Variants in DAGLA observed in about 807,000 individuals in gnomAD.
DAGLA encodes diacylglycerol lipase alpha.
In DAGLA, 22 loss-of-function variants were observed where a neutral mutation model predicts 102.6. The observed-to-expected ratio is 0.21, with a 90% CI of 0.15 to 0.31. The LOEUF is 0.31. Among genes scored for constraint, DAGLA ranks in the 10% least tolerant of loss-of-function variants. The probability of loss-of-function intolerance (pLI) is 1.00; values close to 1 mark genes in which losing one functional copy is unlikely to be tolerated. For missense variants in DAGLA, 927 were observed against 1,446.6 expected (o/e 0.64, Z 5.83); for synonymous variants, 578 against 628.9 (o/e 0.92, Z 1.21).
chr11:61,706,096 TAACAGG>T (rs1256862221), intron 1 of DAGLA, among the ~76,000 whole-genome samples: 5 of 152,124 alleles, frequency 3.3e-5, no homozygotes, highest in Non-Finnish European at 7.3e-5. Context: ...CAGAACAGTC[TAACAGG>T]GCCCCTTTCG....
intron 19 of DAGLA, among the ~76,000 whole-genome samples, chr11:61,742,024 A>G (rs985347490): frequency 6.6e-6 from 1 of 152,264 alleles, no homozygotes; most frequent in Non-Finnish European, 1.5e-5. Flanking sequence ...AGTTATAAGT[A>G]CACAGGTCAC....
chr11:61,734,345 G>T lies in DAGLA; in HGVS notation c.975-504G>T, dbSNP rs1011053865. ...TTGGGAAGACCTCAGGAGGGTTGGG[G>T]TACACAAGCAGGGAAGGGGTTTGAG... On this transcript the variant is annotated intron_variant, in intron 9 of 19. Transcript: ENST00000257215. This position sits in a 1 kb window ranked among gnomAD's most constrained non-coding sequence, Gnocchi z 4.2. Among the ~76,000 whole-genome samples, 3 of 152,036 alleles carry T rather than the reference G, an allele frequency of 2.0e-5. No homozygotes were observed. Among genetic ancestry groups the T allele is most frequent in the Non-Finnish European group, 4.4e-5 (3 of 68,012 alleles).
chr11:61,688,231 C>T (rs1296269637), intron 1 of DAGLA, among the ~76,000 whole-genome samples: 3 of 148,780 alleles, frequency 2.0e-5, no homozygotes, highest in Non-Finnish European at 3.0e-5. Context: ...AGGAGAATGG[C>T]GTGAATCCGG....
rs374336921 is a variant in DAGLA, at chr11:61,743,362, C to CAA, written c.2172-152_2172-151dup. On this transcript the variant is annotated intron_variant, in intron 19 of 19. Transcript: ENST00000257215. The stretch of plus-strand genomic sequence containing the variant: ...TGGGCGACAGAGCGAGACTCTGTCT[C>CAA]AAAAAAAAAAAAAAAAAAAGAAAAT... 2.5e-4 allele frequency among the ~76,000 whole-genome samples: 13 copies of CAA among 51,880 alleles called. 1 individual carries two copies. Among genetic ancestry groups the CAA allele is most frequent in the Non-Finnish European group, 3.8e-4 (9 of 23,706 alleles). The allele number at this position is 51,880 out of a possible 152,430, so 34.0% of individuals were successfully genotyped here. A position where few individuals can be genotyped will look rare whatever the true frequency, so the allele number is the denominator to read the frequency against.
At chr11:61,691,777 A>C (rs2065026590) in intron 1 of DAGLA, among the ~76,000 whole-genome samples, 1 of 152,216 alleles carries the variant, frequency 6.6e-6, no homozygotes, top group Non-Finnish European at 1.5e-5. Flanking sequence ...CTCAGGCCAG[A>C]CGGTCTGGCT....
At chr11:61,685,996 T>C (rs2064983357) in intron 1 of DAGLA, among the ~76,000 whole-genome samples, 2 of 152,116 alleles carry the variant, frequency 1.3e-5, no homozygotes, top group South Asian at 4.1e-4. Context: ...GCATGGGCAT[T>C]CACTGAAGTG....
At chr11:61,732,769 G>A (rs2065386690) in intron 9 of DAGLA, among the ~76,000 whole-genome samples, 1 of 152,168 alleles carries the variant, frequency 6.6e-6, no homozygotes, top group African/African-American at 2.4e-5. Flanking sequence ...GTTGGGAGGA[G>A]GCCAGAGTCC....
intron 5 of DAGLA, among the ~76,000 whole-genome samples, chr11:61,724,577 C>T (rs2065309107): frequency 6.6e-6 from 1 of 152,216 alleles, no homozygotes; most frequent in Non-Finnish European, 1.5e-5. Flanking sequence ...CAGGAATTCT[C>T]ACCGTCCCAC....
intron 1 of DAGLA, 126 bp from the exon 2 acceptor site, chr11:61,719,986 T>A: frequency 6.3e-6 from 4 of 634,540 alleles, no homozygotes; most frequent in South Asian, 5.9e-5. Flanking sequence ...GCACTTCCAG[T>A]GGCCAGCTCC....
intron 1 of DAGLA, among the ~76,000 whole-genome samples, chr11:61,703,220 A>G (rs2065122390): frequency 6.6e-6 from 1 of 152,210 alleles, no homozygotes; most frequent in Admixed American, 6.5e-5. Flanking sequence ...AAGGAAGAAA[A>G]CAGGCGAGAC....
intron 1 of DAGLA, among the ~76,000 whole-genome samples, chr11:61,711,732 C>T (rs1410424038): frequency 6.6e-6 from 1 of 152,204 alleles, no homozygotes; most frequent in African/African-American, 2.4e-5. Flanking sequence ...AAATAATTAG[C>T]GTGAGAACGA....
intron 1 of DAGLA, among the ~76,000 whole-genome samples, chr11:61,707,415 G>A (rs2065158731): frequency 6.6e-6 from 1 of 152,364 alleles, no homozygotes; most frequent in South Asian, 2.1e-4. Flanking sequence ...GCCTGATGGG[G>A]TTCCCCTCAT....
At chr11:61,726,322 A>G (rs1048561038) in intron 6 of DAGLA, among the ~76,000 whole-genome samples, 1 of 138,968 alleles carries the variant, frequency 7.2e-6, no homozygotes. Context: ...AGACTGCATC[A>G]ACTCCCTTGG....
Position 61,735,742 on chromosome 11 carries a change from G to T in DAGLA, c.1216G>T (p.Ala406Ser), listed in dbSNP as rs773487058. ...ACCTGTCTCCTCTCTCCCCAAGGAT[G>T]CCCTGACTGACCTGACGGGTGATGC... The part of the protein sequence containing the change: ...SIRGTLSPKD[A>S]LTDLTGDAER... The change falls in exon 12 of 20, where the codon GCC becomes TCC. Residue 406 changes from alanine (A) to serine (S), a missense_variant. Around this residue, in one of 4 missense-constraint regions of DAGLA, gnomAD observed 218 missense variants for 459.6 expected, o/e 0.47. Transcript: ENST00000257215. 6.2e-7 allele frequency: 1 copy of T among 1,613,460 alleles called. No homozygotes were observed. Among genetic ancestry groups the T allele is most frequent in the Non-Finnish European group, 8.5e-7 (1 of 1,179,742 alleles).
chr11:61,721,252 G>T (rs2135582273), intron 3 of DAGLA, among the ~76,000 whole-genome samples: 1 of 152,234 alleles, frequency 6.6e-6, no homozygotes, highest in South Asian at 2.1e-4. Context: ...AAATTAGCCA[G>T]GTGTGGTGGC....
chr11:61,720,319 C>A, intron 2 of DAGLA, 69 bp downstream of exon 2: 1 of 1,496,716 alleles, frequency 6.7e-7, no homozygotes, highest in Non-Finnish European at 9.2e-7. Flanking sequence ...GCTTTCTGGC[C>A]ATTTGTTCCT....
intron 1 of DAGLA, among the ~76,000 whole-genome samples, chr11:61,692,508 A>G (rs922524800): frequency 2.6e-5 from 4 of 152,152 alleles, no homozygotes; most frequent in Admixed American, 2.6e-4. Flanking sequence ...GGGAGTCTGC[A>G]TAAGTTTGAG....
chr11:61,682,874 G>A (rs2064955413), intron 1 of DAGLA, among the ~76,000 whole-genome samples: 1 of 151,460 alleles, frequency 6.6e-6, no homozygotes, highest in African/African-American at 2.4e-5. Flanking sequence ...TGTGGAGGAT[G>A]CCCTCAGACA....
chr11:61,740,147 C>T (rs2065464804), intron 17 of DAGLA, among the ~76,000 whole-genome samples: 1 of 152,238 alleles, frequency 6.6e-6, no homozygotes, highest in Non-Finnish European at 1.5e-5. Flanking sequence ...CCTGGCTCCT[C>T]CCTCCAGGGT....
Sources: allele counts gnomAD v4.1 joint callset (sites outside exome capture counted in the v4.1 genomes callset), GRCh38; gene constraint gnomAD v4.1.1; regional missense constraint gnomAD v4.1.1; non-coding constraint Gnocchi (gnomAD v3.1); transcripts MANE v1.5; gene names NCBI Gene and HGNC (gene_info 2026-07-23, HGNC 2026-07-21).